The following PTPN12 variants were observed in gnomAD, a reference collection of about 807,000 sequenced individuals.
The protein encoded by PTPN12 is tyrosine-protein phosphatase non-receptor type 12.
Under a neutral mutation model 97.6 loss-of-function variants are expected in PTPN12, and 29 were observed. The ratio of observed to expected loss-of-function variants is 0.30; its 90% CI spans 0.22 to 0.41. The LOEUF is 0.41. Among genes scored for constraint, PTPN12 ranks in the 10% least tolerant of loss-of-function variants. The probability of loss-of-function intolerance (pLI) is 1.00; values close to 1 mark genes in which losing one functional copy is unlikely to be tolerated. For synonymous variants in PTPN12, 327 were observed against 300.4 expected (o/e 1.09, Z -0.91); for missense variants, 819 against 926.0 (o/e 0.88, Z 1.50).
chr7:77,592,248 A>G lies in PTPN12; in HGVS notation c.484A>G (p.Ile162Val). The G allele has an allele frequency of 6.2e-7, 1 of 1,608,144 alleles. No individual in the cohort carries two copies. The change falls in exon 6 of 18, where the codon ATT (isoleucine) becomes GTT (valine). Residue 162 changes from isoleucine (I) to valine (V), a missense_variant. Transcript: ENST00000248594. ...EDPITFAPFK[I>V]SCEDEQARTD... ...CCCCATAACGTTTGCACCATTTAAA[A>G]TTTCTTGTGTAAGTATCCATTTTTG...
chr7:77,625,504 T>TCTCTCTCTCA (rs1789124356), intron 12 of PTPN12, among the ~76,000 whole-genome samples: 1 of 105,102 alleles, frequency 9.5e-6, no homozygotes, highest in Non-Finnish European at 1.9e-5. Context: ...TCTCTCTCTC[T>TCTCTCTCTCA]CTCTCTCTCT....
chr7:77,617,257 T>A (rs1277251065), intron 11 of PTPN12, among the ~76,000 whole-genome samples: 1 of 152,168 alleles, frequency 6.6e-6, no homozygotes, highest in Non-Finnish European at 1.5e-5. Flanking sequence ...ATTTAGACAA[T>A]AAATTATATG....
At chr7:77,541,589 T>G (rs563545786) in intron 1 of PTPN12, among the ~76,000 whole-genome samples, 6 of 152,354 alleles carry the variant, frequency 3.9e-5, no homozygotes, top group African/African-American at 1.4e-4. Context: ...TTCATAAACT[T>G]GAAAAAGTTT....
At chr7:77,637,296 A>AT (rs1017073463) in intron 16 of PTPN12, among the ~76,000 whole-genome samples, 1 of 152,142 alleles carries the variant, frequency 6.6e-6, no homozygotes, top group Non-Finnish European at 1.5e-5. Context: ...TGGGAAAGAG[A>AT]TTTTTTAAAA....
At chr7:77,561,518 G>C (rs548986748) in intron 1 of PTPN12, among the ~76,000 whole-genome samples, 1 of 152,046 alleles carries the variant, frequency 6.6e-6, no homozygotes, top group East Asian at 1.9e-4. Context: ...GGCAGTCTCC[G>C]GCCTTGCAAA....
intron 6 of PTPN12, among the ~76,000 whole-genome samples, chr7:77,594,093 T>C (rs1014403446): frequency 6.6e-6 from 1 of 152,214 alleles, no homozygotes; most frequent in African/African-American, 2.4e-5. Flanking sequence ...TAACTCACCA[T>C]TGAACTTTTT....
At chr7:77,585,390 T>C in intron 4 of PTPN12, 153 bp from the exon 5 acceptor site, 1 of 558,184 alleles carries the variant, frequency 1.8e-6, no homozygotes, top group Non-Finnish European at 3.1e-6. Flanking sequence ...TTTGATAATT[T>C]CTTTAACTTA....
rs572627639 is a variant in PTPN12, at chr7:77,566,826, G to C, written c.100-4252G>C. Reference sequence around the variant, plus strand: ...AAGTCACACGATAAAGGGTGTGGTGGGTACCTATAACTTAATACGGACATC... The same window carrying C: ...AAGTCACACGATAAAGGGTGTGGTGCGTACCTATAACTTAATACGGACATC... On this transcript the variant is annotated intron_variant, in intron 1 of 17. Coordinates refer to ENST00000248594, the MANE Select transcript of PTPN12 (RefSeq NM_002835.4). Among the ~76,000 whole-genome samples the C allele has an allele frequency of 3.8e-4, 57 of 151,990 alleles. 1 individual carries two copies. The South Asian group carries it at 5.4e-3, about 14-fold the overall frequency.
rs77567665 is a variant in PTPN12 at position 77,635,341 on chromosome 7, A to G, written c.2075-441A>G. Among the ~76,000 whole-genome samples the G allele has an allele frequency of 1.6e-3, 241 of 152,296 alleles. 2 individuals are homozygous for G. Among genetic ancestry groups the G allele is most frequent in the African/African-American group, 5.5e-3 (227 of 41,572 alleles). On this transcript the variant is annotated intron_variant, in intron 14 of 17. Coordinates refer to ENST00000248594, the MANE Select transcript of PTPN12 (RefSeq NM_002835.4). ...CTACTCAAGAAGCTGAGATGGGAAGATTGCCTGAGCCTGGGAGGTTGAGGC... is the reference window on the plus strand; with the variant it reads ...CTACTCAAGAAGCTGAGATGGGAAGGTTGCCTGAGCCTGGGAGGTTGAGGC...
At chr7:77,623,012 CA>C (rs34769333) in intron 12 of PTPN12, among the ~76,000 whole-genome samples, 168 of 118,050 alleles carry the variant, frequency 1.4e-3, no homozygotes, top group African/African-American at 2.3e-3. Context: ...AAGAAATTAG[CA>C]AAAAAAAAAA....
intron 5 of PTPN12, among the ~76,000 whole-genome samples, chr7:77,588,645 A>G (rs1450079277): frequency 6.6e-6 from 1 of 152,212 alleles, no homozygotes; most frequent in Non-Finnish European, 1.5e-5. Context: ...AATTTGTAAA[A>G]TATGCAGTGT....
chr7:77,610,058 G>C (rs1478188724), intron 9 of PTPN12, among the ~76,000 whole-genome samples: 8 of 152,130 alleles, frequency 5.3e-5, no homozygotes, highest in Admixed American at 4.6e-4. Flanking sequence ...CACTCTTTCA[G>C]ACTGTCCTCT....
chr7:77,598,009 C>G, intron 7 of PTPN12, 108 bp downstream of exon 7: 1 of 1,427,844 alleles, frequency 7.0e-7, no homozygotes, highest in South Asian at 1.5e-5. Flanking sequence ...GGGAGGGTGA[C>G]TTGAGTCCAG....
At chr7:77,623,779 A>G (rs1335343319) in intron 12 of PTPN12, among the ~76,000 whole-genome samples, 1 of 152,202 alleles carries the variant, frequency 6.6e-6, no homozygotes, top group East Asian at 1.9e-4. Context: ...ACGTAGGGAA[A>G]ATAATACACC....
intron 1 of PTPN12, among the ~76,000 whole-genome samples, chr7:77,565,081 TA>T (rs1451343246): frequency 7.0e-6 from 1 of 143,104 alleles, no homozygotes; most frequent in Non-Finnish European, 1.6e-5. Flanking sequence ...TTTTAAGTGT[TA>T]TAACATTGAG....
intron 1 of PTPN12, among the ~76,000 whole-genome samples, chr7:77,562,571 G>T (rs965438143): frequency 1.4e-4 from 22 of 152,150 alleles, no homozygotes; most frequent in Non-Finnish European, 2.5e-4. Flanking sequence ...GAATTTTAGG[G>T]TGATTTACTA....
At chr7:77,555,412 T>A (rs1013878301) in intron 1 of PTPN12, among the ~76,000 whole-genome samples, 1 of 152,146 alleles carries the variant, frequency 6.6e-6, no homozygotes, top group African/African-American at 2.4e-5. Flanking sequence ...TTATGCATAT[T>A]TACATCTCTT....
chr7:77,620,952 A>G (rs1788912067), intron 12 of PTPN12, among the ~76,000 whole-genome samples: 2 of 151,620 alleles, frequency 1.3e-5, no homozygotes, highest in Admixed American at 1.3e-4. Context: ...TGTCTCAAAA[A>G]TAAAAAAACA....
chr7:77,597,342 C>T (rs527832038), intron 6 of PTPN12, among the ~76,000 whole-genome samples: 102 of 152,220 alleles, frequency 6.7e-4, no homozygotes, highest in Non-Finnish European at 1.1e-3. Context: ...AGGCTGGTCT[C>T]GAACTCCTGA....
Sources: gnomAD v4.1 joint callset for allele counts (sites outside exome capture counted in the v4.1 genomes callset) on GRCh38, gnomAD v4.1.1 for gene constraint, MANE v1.5 for transcripts, NCBI Gene and HGNC (gene_info 2026-07-23, HGNC 2026-07-21) for gene names.